The following PJA2 variants were observed in gnomAD, a reference collection of about 807,000 sequenced individuals.
The protein encoded by PJA2 is E3 ubiquitin-protein ligase Praja-2.
PJA2 carries 25 observed loss-of-function variants against 69.3 expected under a neutral mutation model. The ratio of observed to expected loss-of-function variants is 0.36; its 90% CI spans 0.26 to 0.50. The LOEUF (loss-of-function observed/expected upper bound fraction) is 0.50. PJA2 is among the 20% of genes least tolerant of loss of function. PJA2 has a pLI of 0.96. For missense variants in PJA2, 809 were observed against 830.2 expected (o/e 0.97, Z 0.31); for synonymous variants, 308 against 277.8 (o/e 1.11, Z -1.08).
Position 109,396,556 on chromosome 5 carries a change from A to G in PJA2, c.-87-13036T>C, listed in dbSNP as rs537630042. On this transcript the variant is annotated intron_variant, in intron 1 of 9. Coordinates refer to ENST00000361189, the MANE Select transcript of PJA2 (RefSeq NM_014819.5). ...ATTCTCCTGCCTCAGCCTCCTGAAT[A>G]GCTGGGATTACAGGCATGCGCCACC... 4.7e-3 allele frequency among the ~76,000 whole-genome samples: 706 copies of G among 150,590 alleles called. 1 individual carries two copies. The highest frequency in any genetic ancestry group is 6.9e-3 in the Middle Eastern group (2 of 288).
intron 6 of PJA2, among the ~76,000 whole-genome samples, chr5:109,358,620 G>C (rs1762458051): frequency 6.6e-6 from 1 of 152,146 alleles, no homozygotes; most frequent in Admixed American, 6.5e-5. Flanking sequence ...AGGAGTTCAA[G>C]ACCAGCCTGG....
intron 4 of PJA2, among the ~76,000 whole-genome samples, chr5:109,372,588 A>C (rs1318032073): frequency 2.0e-5 from 3 of 152,188 alleles, no homozygotes; most frequent in Non-Finnish European, 2.9e-5. Flanking sequence ...ATGGATGTGG[A>C]AATCAGGAGG....
chr5:109,345,844 G>A (rs1449636735), intron 7 of PJA2, among the ~76,000 whole-genome samples: 1 of 152,172 alleles, frequency 6.6e-6, no homozygotes, highest in African/African-American at 2.4e-5. Flanking sequence ...AAATATCTGT[G>A]TCAAATTACT....
At chr5:109,393,398 C>A (rs1181144997) in intron 1 of PJA2, among the ~76,000 whole-genome samples, 1 of 152,198 alleles carries the variant, frequency 6.6e-6, no homozygotes, top group Admixed American at 6.5e-5. Flanking sequence ...TACATCTCTG[C>A]ATTCATCTCA....
chr5:109,358,072 C>T (rs1762444416), intron 6 of PJA2, among the ~76,000 whole-genome samples: 1 of 152,154 alleles, frequency 6.6e-6, no homozygotes, highest in Admixed American at 6.5e-5. Context: ...AAAATCTGGC[C>T]ATAAACTGGC....
chr5:109,369,369 GTTATGGAATATATCACT>G (rs1187955709), intron 4 of PJA2, among the ~76,000 whole-genome samples: 2 of 152,156 alleles, frequency 1.3e-5, no homozygotes, highest in African/African-American at 4.8e-5. Context: ...CATATGGCAA[GTTATGGAATATATCACT>G]TTACTTTTTC....
chr5:109,340,637 C>CT (rs1326640057), intron 9 of PJA2, among the ~76,000 whole-genome samples: 1,275 of 3,254 alleles, frequency 0.39, 511 homozygotes, highest in Non-Finnish European at 0.51. Context: ...TCCCCCTCCC[C>CT]CTCCCCCTCC....
intron 2 of PJA2, among the ~76,000 whole-genome samples, chr5:109,382,245 C>T (rs1235261952): frequency 2.6e-5 from 4 of 151,954 alleles, no homozygotes; most frequent in African/African-American, 4.8e-5. Flanking sequence ...CAAAGATTAA[C>T]GTCAGATAAA....
intron 1 of PJA2, among the ~76,000 whole-genome samples, chr5:109,400,288 C>CA (rs552298335): frequency 0.023 from 2,588 of 111,122 alleles, 68 homozygotes; most frequent in African/African-American, 0.077. Context: ...GAGACTGTCT[C>CA]AAAAAAAAAA....
chr5:109,406,286 T>C (rs1416679883), intron 1 of PJA2, among the ~76,000 whole-genome samples: 2 of 152,168 alleles, frequency 1.3e-5, no homozygotes, highest in African/African-American at 4.8e-5. Context: ...GTGATCCGCC[T>C]GCCTCGGACT....
At chr5:109,408,325 T>C (rs1024313486) in intron 1 of PJA2, among the ~76,000 whole-genome samples, 3 of 152,200 alleles carry the variant, frequency 2.0e-5, no homozygotes, top group South Asian at 2.1e-4. Context: ...TTATAAATCA[T>C]CATTTGTAAT....
At chr5:109,337,630 A>C (rs112836926) in intron 9 of PJA2, among the ~76,000 whole-genome samples, 96 of 152,262 alleles carry the variant, frequency 6.3e-4, no homozygotes, top group African/African-American at 1.9e-3. Flanking sequence ...GTTTTAATTA[A>C]GAGCTGCTAA....
intron 5 of PJA2, among the ~76,000 whole-genome samples, chr5:109,363,484 A>G (rs961901962): frequency 6.6e-6 from 1 of 152,122 alleles, no homozygotes; most frequent in African/African-American, 2.4e-5. Context: ...CTATGCTCCT[A>G]CTGTTCTTCC....
intron 7 of PJA2, among the ~76,000 whole-genome samples, chr5:109,347,435 A>G (rs1442264883): frequency 2.0e-5 from 3 of 152,176 alleles, no homozygotes; most frequent in Admixed American, 6.5e-5. Context: ...AGACTCCTCC[A>G]GTGTGGGTGG....
At chr5:109,385,637 A>G (rs1331735270) in intron 1 of PJA2, among the ~76,000 whole-genome samples, 2 of 152,200 alleles carry the variant, frequency 1.3e-5, no homozygotes, top group Non-Finnish European at 2.9e-5. Context: ...CAGTGTATAG[A>G]TTATACCAAA....
Position 109,356,044 on chromosome 5 carries a change from TAAC to T in PJA2, c.1653-21_1653-19del, listed in dbSNP as rs1762407651. On this transcript the variant is annotated intron_variant, in intron 6 of 9. Coordinates refer to ENST00000361189, the MANE Select transcript of PJA2 (RefSeq NM_014819.5). ...CAAATAGGCTGAAAAAAAAAAAAAA[TAAC>T]AGAAAAAACTCACCACTATGATTTG... 1 of 1,486,602 alleles carries T rather than the reference TAAC, an allele frequency of 6.7e-7. No individual in the cohort carries two copies. Among genetic ancestry groups the T allele is most frequent in the Admixed American group, 1.8e-5 (1 of 56,772 alleles). The allele number at this position is 1,486,602 out of a possible 1,614,324, so 92.1% of individuals were successfully genotyped here.
At chr5:109,365,505 A>G (rs1762570818) in intron 5 of PJA2, among the ~76,000 whole-genome samples, 1 of 152,202 alleles carries the variant, frequency 6.6e-6, no homozygotes, top group African/African-American at 2.4e-5. Flanking sequence ...TAGAAGTTCA[A>G]AAAGGAAGCT....
chr5:109,348,701 A>AGT (rs1479081545), intron 7 of PJA2, among the ~76,000 whole-genome samples: 1 of 152,210 alleles, frequency 6.6e-6, no homozygotes, highest in Non-Finnish European at 1.5e-5. Context: ...AGATATAAAC[A>AGT]GTGTAGGTCT....
At chr5:109,350,900 G>A (rs1762239535) in intron 7 of PJA2, among the ~76,000 whole-genome samples, 1 of 152,104 alleles carries the variant, frequency 6.6e-6, no homozygotes, top group Admixed American at 6.6e-5. Flanking sequence ...GCTTTCATAG[G>A]TAAAATCTTT....
Sources: gnomAD v4.1 joint callset for allele counts (sites outside exome capture counted in the v4.1 genomes callset) on GRCh38, gnomAD v4.1.1 for gene constraint, MANE v1.5 for transcripts, NCBI Gene and HGNC (gene_info 2026-07-23, HGNC 2026-07-21) for gene names.